The following NAALAD2 variants were observed in gnomAD, a reference collection of about 807,000 sequenced individuals.
NAALAD2 encodes the protein N-acetylated alpha-linked acidic dipeptidase 2, also known as N-acetylated-alpha-linked acidic dipeptidase 2.
In NAALAD2, 89 loss-of-function variants were observed where a neutral mutation model predicts 95.6. The observed-to-expected ratio is 0.93, with a 90% CI of 0.78 to 1.11. The LOEUF is 1.11. Ranked by LOEUF, NAALAD2 falls within the 50% of genes least tolerant of loss-of-function variation. NAALAD2 has a pLI of 0.00. For missense variants in NAALAD2, 894 were observed against 872.4 expected (o/e 1.02, Z -0.31); for synonymous variants, 264 against 294.4 (o/e 0.90, Z 1.06).
At chr11:90,134,598 G>C, upstream of NAALAD2, 1 of 625,372 alleles carries the variant, frequency 1.6e-6, no homozygotes, top group Non-Finnish European at 2.8e-6. Context: ...AGGGCCCCTG[G>C]GGACCACAGG....
At position 90,140,346 on chromosome 11, in the gene NAALAD2, C is replaced by T. The variant is rs1034563857; in HGVS notation, c.194+4676C>T. On this transcript the variant is annotated intron_variant, in intron 2 of 18. Coordinates refer to ENST00000534061, the MANE Select transcript of NAALAD2 (RefSeq NM_005467.4). Reference sequence around the variant, plus strand: ...CATGTAGTCTGTAACTGTATGCCTACGTTTTGATACATTTTAACTTTTTAT... The same window carrying T: ...CATGTAGTCTGTAACTGTATGCCTATGTTTTGATACATTTTAACTTTTTAT... 3.9e-5 allele frequency among the ~76,000 whole-genome samples: 6 copies of T among 152,090 alleles called. No individual in the cohort carries two copies. The East Asian group carries it at 5.8e-4, about 15-fold the overall frequency.
intron 11 of NAALAD2, among the ~76,000 whole-genome samples, chr11:90,166,833 T>TC (rs1253363779): frequency 4.2e-5 from 4 of 94,550 alleles, no homozygotes; most frequent in Admixed American, 2.7e-4. Flanking sequence ...AGATTCTGTC[T>TC]CCAAAAAAAA....
chr11:90,135,552 T>C lies in NAALAD2; in HGVS notation c.83-7T>C, dbSNP rs1951433449. On this transcript the variant is annotated splice_polypyrimidine_tract_variant and splice_region_variant and intron_variant, in intron 1 of 18. Coordinates refer to ENST00000534061, the MANE Select transcript of NAALAD2 (RefSeq NM_005467.4). ...TGTGTGCATGTTTGTGTATTTTTTT[T>C]CCTTAGGCTGGTTTATTAAGCCTCT... 1 of 1,597,416 alleles carries C rather than the reference T, an allele frequency of 6.3e-7. No individual in the cohort carries two copies. Among genetic ancestry groups the C allele is most frequent in the Non-Finnish European group, 8.5e-7 (1 of 1,170,070 alleles).
At chr11:90,168,786 A>C in intron 11 of NAALAD2, 143 bp from the exon 12 acceptor site, 2 of 646,704 alleles carry the variant, frequency 3.1e-6, no homozygotes, top group Non-Finnish European at 5.4e-6. Context: ...ATTTTCTCAG[A>C]AATTAGGGTC....
chr11:90,180,066 GATGA>G (rs5793435), intron 16 of NAALAD2, among the ~76,000 whole-genome samples: 62,621 of 150,548 alleles, frequency 0.42, 13,232 homozygotes, highest in South Asian at 0.5. Context: ...AGGTATAATT[GATGA>G]ATGAATGAAT....
In NAALAD2 at chr11:90,164,605, GTAA is replaced by G. The variant is rs750624502; in HGVS notation, c.1278+994_1278+996del. ...TTATCATGTATTAATAATAATAATT[GTAA>G]TAATATTTCTATTGAGCTTTACAGT... On this transcript the variant is annotated intron_variant, in intron 11 of 18. Coordinates refer to ENST00000534061, the MANE Select transcript of NAALAD2 (RefSeq NM_005467.4). Among the ~76,000 whole-genome samples, 36 of 152,066 alleles carry G rather than the reference GTAA, an allele frequency of 2.4e-4. No homozygotes were observed. In the East Asian group the frequency reaches 6.2e-3, roughly 26 times the overall value.
chr11:90,186,740 C>T (rs1667765756), intron 18 of NAALAD2, among the ~76,000 whole-genome samples: 1 of 145,778 alleles, frequency 6.9e-6, no homozygotes, highest in Non-Finnish European at 1.5e-5. Context: ...TAAACCTAGG[C>T]ATTACCATTC....
At chr11:90,139,062 G>C (rs1426561314) in intron 2 of NAALAD2, among the ~76,000 whole-genome samples, 1 of 151,978 alleles carries the variant, frequency 6.6e-6, no homozygotes, top group Non-Finnish European at 1.5e-5. Flanking sequence ...AGATGTGTTT[G>C]GGGGTAAGTA....
intron 16 of NAALAD2, among the ~76,000 whole-genome samples, chr11:90,181,350 TG>T (rs778092163): frequency 7.4e-4 from 113 of 152,212 alleles, no homozygotes; most frequent in Non-Finnish European, 1.0e-3. Context: ...AAATGAATTC[TG>T]GGTTTCTGGT....
chr11:90,175,167 T>C (rs969927236), intron 14 of NAALAD2, among the ~76,000 whole-genome samples: 1 of 152,228 alleles, frequency 6.6e-6, no homozygotes, highest in Non-Finnish European at 1.5e-5. Flanking sequence ...AGTAACAGTT[T>C]ATAGCTTTAT....
In NAALAD2 at chr11:90,178,069, C is replaced by G. The variant is rs1455140410; in HGVS notation, c.1810C>G (p.Leu604Val). ...LKNYAASIYN[L>V]SKKHDQQLTD... ...AAACTATGCAGCAAGTATCTATAAT[C>G]TATCTAAGAAACATGATCAACAATT... The change falls in exon 16 of 19, where the codon CTA becomes GTA. Residue 604 changes from leucine to valine, a missense_variant. Physicochemically the swap from Leu to Val is conservative, Grantham distance 32 (BLOSUM62 1). Coordinates refer to ENST00000534061, the MANE Select transcript of NAALAD2 (RefSeq NM_005467.4). 3.1e-6 allele frequency: 5 copies of G among 1,613,338 alleles called. No individual in the cohort carries two copies. In the East Asian group the frequency reaches 8.9e-5, roughly 29 times the overall value.
intron 2 of NAALAD2, among the ~76,000 whole-genome samples, chr11:90,137,862 C>T (rs75292721): frequency 0.038 from 5,812 of 151,972 alleles, 156 homozygotes; most frequent in Non-Finnish European, 0.057. Flanking sequence ...AGGCTGGTCT[C>T]GAACTCATGA....
chr11:90,160,611 G>C (rs544266859), intron 8 of NAALAD2, among the ~76,000 whole-genome samples: 8 of 152,066 alleles, frequency 5.3e-5, no homozygotes, highest in Admixed American at 1.3e-4. Flanking sequence ...TTTAATTTGG[G>C]ACTTTATTAT....
rs1409942270 is a variant in NAALAD2, at chr11:90,152,498, C to A, written c.796+14C>A. ...ATCCAGCAAAAGGTAAGGGATGAGC[C>A]TATCAGTCCACCAATTTTGCAAAAA... On this transcript the variant is annotated intron_variant, in intron 6 of 18. Coordinates refer to ENST00000534061, the MANE Select transcript of NAALAD2 (RefSeq NM_005467.4). The A allele has an allele frequency of 1.9e-6, 3 of 1,578,922 alleles. No individual in the cohort carries two copies. Among genetic ancestry groups the A allele is most frequent in the Admixed American group, 3.4e-5 (2 of 58,722 alleles).
At chr11:90,140,655 C>A (rs1392478000) in intron 2 of NAALAD2, among the ~76,000 whole-genome samples, 1 of 151,770 alleles carries the variant, frequency 6.6e-6, no homozygotes, top group Non-Finnish European at 1.5e-5. Flanking sequence ...ATATTTTTTC[C>A]CAGTCTGTAA....
intron 2 of NAALAD2, among the ~76,000 whole-genome samples, chr11:90,142,622 C>T (rs1358247093): frequency 6.6e-6 from 1 of 152,034 alleles, no homozygotes; most frequent in Non-Finnish European, 1.5e-5. Flanking sequence ...TTTAAGTATG[C>T]CCTCTGTGGG....
upstream of NAALAD2, among the ~76,000 whole-genome samples, chr11:90,133,837 TTTTG>T (rs1364219908): frequency 4.3e-4 from 66 of 152,130 alleles, no homozygotes; most frequent in African/African-American, 1.5e-3. Context: ...CTCTTTTTTT[TTTTG>T]TTTGTTTGTT....
At chr11:90,140,774 C>G (rs1268311799) in intron 2 of NAALAD2, among the ~76,000 whole-genome samples, 1 of 152,028 alleles carries the variant, frequency 6.6e-6, no homozygotes, top group Non-Finnish European at 1.5e-5. Flanking sequence ...GGGTTCATAT[C>G]TAAGAACTCT....
intron 16 of NAALAD2, among the ~76,000 whole-genome samples, chr11:90,180,719 G>A (rs1038120685): frequency 4.6e-5 from 7 of 151,742 alleles, no homozygotes; most frequent in Admixed American, 2.6e-4. Context: ...ATAATAAATT[G>A]TTGTAATAAA....
Sources: gnomAD v4.1 joint callset for allele counts (sites outside exome capture counted in the v4.1 genomes callset) on GRCh38, gnomAD v4.1.1 for gene constraint, MANE v1.5 for transcripts, NCBI Gene and HGNC (gene_info 2026-07-23, HGNC 2026-07-21) for gene names.